Variants in SEMA3A observed in about 807,000 individuals in gnomAD.
SEMA3A encodes semaphorin 3A.
Under a neutral mutation model 97.9 loss-of-function variants are expected in SEMA3A, and 29 were observed. That is an observed-to-expected ratio of 0.30 (90% CI 0.22 to 0.40). The LOEUF is 0.40. Ranked by LOEUF, SEMA3A falls within the 10% of genes least tolerant of loss-of-function variation. The pLI, the probability that SEMA3A is intolerant of heterozygous loss-of-function variation, is 1.00. For synonymous variants in SEMA3A, 321 were observed against 323.7 expected, an observed-to-expected ratio of 0.99 and a Z score of 0.09; for missense variants, 763 against 951.3, an observed-to-expected ratio of 0.80 and a Z score of 2.60.
chr7:84,281,555 T>C (rs754889852), intron 3 of SEMA3A, among the ~76,000 whole-genome samples: 16 of 152,230 alleles, frequency 1.1e-4, no homozygotes, highest in Non-Finnish European at 2.2e-4. Flanking sequence ...GTTTAGTTAA[T>C]GATAGCCTGG....
chr7:84,302,987 G>A (rs1801058673), intron 3 of SEMA3A, among the ~76,000 whole-genome samples: 1 of 152,168 alleles, frequency 6.6e-6, no homozygotes, highest in African/African-American at 2.4e-5. Flanking sequence ...AACAGTTTGA[G>A]GAAAGAAGAA....
At chr7:84,004,194 T>C (rs758294898) in intron 11 of SEMA3A, among the ~76,000 whole-genome samples, 2 of 152,104 alleles carry the variant, frequency 1.3e-5, no homozygotes, top group African/African-American at 4.8e-5. Context: ...CCTTGGAATC[T>C]GACCCTAAGT....
At chr7:84,367,424 A>T (rs1039907447) in intron 2 of SEMA3A, among the ~76,000 whole-genome samples, 1 of 151,266 alleles carries the variant, frequency 6.6e-6, no homozygotes, top group Non-Finnish European at 1.5e-5. Flanking sequence ...TTAAAGAGCT[A>T]ATGTATGTGC....
chr7:84,430,789 T>TTGTGTG (rs56814153), intron 1 of SEMA3A, among the ~76,000 whole-genome samples: 115 of 143,428 alleles, frequency 8.0e-4, no homozygotes, highest in East Asian at 6.3e-3. Context: ...AACATAAAAT[T>TTGTGTG]TGTGTGTGTG....
rs1192844199 is a variant in SEMA3A, at chr7:84,313,383, T to C, written c.-168-6091A>G. 4.6e-5 allele frequency among the ~76,000 whole-genome samples: 4 copies of C among 86,494 alleles called. 1 individual carries two copies. The highest frequency in any genetic ancestry group is 1.5e-4 in the African/African-American group (4 of 27,370). The allele number at this position is 86,494 out of a possible 152,430, so 56.7% of individuals were successfully genotyped here. A position where few individuals can be genotyped will look rare whatever the true frequency, so the allele number is the denominator to read the frequency against. On this transcript the variant is annotated intron_variant, in intron 2 of 3. Coordinates refer to the SEMA3A transcript ENST00000424555. ...ATATATATATATATATATATATATA[T>C]ATATATATATATATATATATATAAA... is the stretch of plus-strand genomic sequence containing the variant.
At chr7:84,210,896 A>T (rs1400629486) in intron 3 of SEMA3A, among the ~76,000 whole-genome samples, 5 of 152,186 alleles carry the variant, frequency 3.3e-5, no homozygotes, top group Non-Finnish European at 5.9e-5. Flanking sequence ...ACGTATCTGC[A>T]GGCTTAAGCA....
At chr7:84,143,313 T>C (rs543516300) in intron 1 of SEMA3A, among the ~76,000 whole-genome samples, 1 of 152,248 alleles carries the variant, frequency 6.6e-6, no homozygotes, top group Admixed American at 6.5e-5. Context: ...AAAATATACA[T>C]ATTAAATGAA....
chr7:84,372,946 A>T (rs938938811), intron 1 of SEMA3A, among the ~76,000 whole-genome samples: 1 of 152,162 alleles, frequency 6.6e-6, no homozygotes, highest in Non-Finnish European at 1.5e-5. Flanking sequence ...TTGCTTTTGC[A>T]AATAGGATGA....
chr7:84,234,256 T>C (rs762329061), intron 3 of SEMA3A, among the ~76,000 whole-genome samples: 2 of 152,002 alleles, frequency 1.3e-5, no homozygotes, highest in Non-Finnish European at 2.9e-5. Context: ...TAGAATAAAG[T>C]CCCCACTTTC....
At chr7:84,361,492 A>C (rs183870541) in intron 2 of SEMA3A, among the ~76,000 whole-genome samples, 2 of 152,198 alleles carry the variant, frequency 1.3e-5, no homozygotes, top group East Asian at 3.9e-4. Context: ...TTTATAATGC[A>C]AATAAATATA....
intron 2 of SEMA3A, among the ~76,000 whole-genome samples, chr7:84,351,743 AAG>A (rs1353076158): frequency 6.6e-6 from 1 of 152,084 alleles, no homozygotes; most frequent in Admixed American, 6.6e-5. Flanking sequence ...ATGTGAAGTA[AAG>A]AGAACCCTTG....
chr7:84,051,034 A>G (rs1211836970), intron 5 of SEMA3A, among the ~76,000 whole-genome samples: 2 of 151,780 alleles, frequency 1.3e-5, no homozygotes, highest in Non-Finnish European at 2.9e-5. Context: ...ATGTGGCATT[A>G]TTTCGGAGGG....
At position 84,091,213 on chromosome 7, in the gene SEMA3A, A is replaced by AAAG. The variant is rs1491329206; in HGVS notation, c.453+19256_453+19257insCTT. Among the ~76,000 whole-genome samples the AAAG allele has an allele frequency of 5.0e-3, 320 of 64,618 alleles. 16 individuals are homozygous for AAAG. Among genetic ancestry groups the AAAG allele is most frequent in the East Asian group, 9.8e-3 (21 of 2,136 alleles). The allele number at this position is 64,618 out of a possible 152,430, so 42.4% of individuals were successfully genotyped here. A position where few individuals can be genotyped will look rare whatever the true frequency, so the allele number is the denominator to read the frequency against. The stretch of plus-strand genomic sequence containing the variant: ...GAAAGAAAGAAAGAAAGAAAGAAAG[A>AAAG]AAAGAAAAGAAAGAAAAGAAAGAAG... On this transcript the variant is annotated intron_variant, in intron 4 of 16. Transcript: ENST00000265362.
intron 1 of SEMA3A, among the ~76,000 whole-genome samples, chr7:84,152,767 T>A (rs182831629): frequency 4.3e-4 from 65 of 152,156 alleles, no homozygotes; most frequent in African/African-American, 1.5e-3. Context: ...GCAATATATT[T>A]TCATAAAATT....
chr7:84,286,183 C>A (rs1800584256), intron 3 of SEMA3A, among the ~76,000 whole-genome samples: 1 of 152,022 alleles, frequency 6.6e-6, no homozygotes, highest in African/African-American at 2.4e-5. Flanking sequence ...ACTTTTTAAT[C>A]TAAAGGAAGA....
At chr7:84,091,167 G>GGAAGGAAGGAAA (rs1554324917) in intron 4 of SEMA3A, among the ~76,000 whole-genome samples, 26 of 42,892 alleles carry the variant, frequency 6.1e-4, no homozygotes, top group African/African-American at 2.0e-3. Context: ...AAGGAAGGAA[G>GGAAGGAAGGAAA]GAAAGAAAGA....
At chr7:84,024,535 ACT>A (rs1393123678) in intron 6 of SEMA3A, among the ~76,000 whole-genome samples, 2 of 151,374 alleles carry the variant, frequency 1.3e-5, no homozygotes, top group African/African-American at 2.4e-5. Context: ...AAGAGAGGAG[ACT>A]CTGTCCCTGC....
chr7:84,007,338 A>G lies in SEMA3A; in HGVS notation c.1140+15T>C. The stretch of plus-strand genomic sequence containing the variant: ...AATATATTCATTTCATATTTTAAAC[A>G]CCTAAGCTACTTACAGTTCCTGGCC... On this transcript the variant is annotated intron_variant, in intron 10 of 16. Transcript: ENST00000265362. The G allele has an allele frequency of 6.3e-7, 1 of 1,580,888 alleles. No individual in the cohort carries two copies. Among genetic ancestry groups the G allele is most frequent in the African/African-American group, 1.4e-5 (1 of 73,514 alleles).
intron 1 of SEMA3A, among the ~76,000 whole-genome samples, chr7:84,466,375 G>A (rs887546533): frequency 1.1e-4 from 16 of 151,998 alleles, no homozygotes; most frequent in Non-Finnish European, 1.9e-4. Context: ...GTTTCACTAC[G>A]TTGGCCAGGC....
Sources: allele counts gnomAD v4.1 joint callset (sites outside exome capture counted in the v4.1 genomes callset), GRCh38; gene constraint gnomAD v4.1.1; transcripts MANE v1.5; gene names NCBI Gene and HGNC (gene_info 2026-07-23, HGNC 2026-07-21).